ATF7IP2: variants seen among roughly 807,000 people sequenced by gnomAD.
ATF7IP2 encodes activating transcription factor 7 interacting protein 2, also known as activating transcription factor 7-interacting protein 2.
Under a neutral mutation model 64.2 loss-of-function variants are expected in ATF7IP2, and 42 were observed. That is an observed-to-expected ratio of 0.65 (90% CI 0.51 to 0.85). The LOEUF is 0.85. ATF7IP2 is among the 40% of genes least tolerant of loss of function. The pLI, the probability that ATF7IP2 is intolerant of heterozygous loss-of-function variation, is 0.00. For synonymous variants in ATF7IP2, 308 were observed against 272.8 expected, an observed-to-expected ratio of 1.13 and a Z score of -1.27; for missense variants, 933 against 784.2, an observed-to-expected ratio of 1.19 and a Z score of -2.27.
At chr16:10,426,686 A>G (rs1035797748) in intron 3 of ATF7IP2, among the ~76,000 whole-genome samples, 1 of 152,146 alleles carries the variant, frequency 6.6e-6, no homozygotes, top group Non-Finnish European at 1.5e-5. Flanking sequence ...TTCACACAAC[A>G]TGGAGTAGAG....
At chr16:10,455,392 G>A (rs571059440) in intron 8 of ATF7IP2, among the ~76,000 whole-genome samples, 1 of 152,180 alleles carries the variant, frequency 6.6e-6, no homozygotes, top group Non-Finnish European at 1.5e-5. Context: ...CAGAAACGCA[G>A]GCAGCCTCCA....
At chr16:10,476,725 T>C (rs938204717) in intron 12 of ATF7IP2, among the ~76,000 whole-genome samples, 3 of 152,188 alleles carry the variant, frequency 2.0e-5, no homozygotes, top group African/African-American at 7.2e-5. Flanking sequence ...TCTCATTGTT[T>C]AGCTCCCACT....
intron 9 of ATF7IP2, among the ~76,000 whole-genome samples, chr16:10,468,100 G>A (rs1045932050): frequency 2.1e-5 from 3 of 145,330 alleles, no homozygotes; most frequent in Admixed American, 6.8e-5. Flanking sequence ...GGCTGGTCTC[G>A]AACTCCCGAC....
chr16:10,439,724 G>C (rs1472742256), intron 7 of ATF7IP2, among the ~76,000 whole-genome samples: 1 of 147,652 alleles, frequency 6.8e-6, no homozygotes, highest in Non-Finnish European at 1.5e-5. Flanking sequence ...AGTAGAGATG[G>C]GGTTTCTCCA....
chr16:10,462,578 G>C (rs957373287), intron 9 of ATF7IP2, among the ~76,000 whole-genome samples: 8 of 151,834 alleles, frequency 5.3e-5, no homozygotes, highest in Admixed American at 3.3e-4. Flanking sequence ...TTTTATTTTT[G>C]CTTTTTCAAA....
At chr16:10,422,555 A>G (rs1378873154) in intron 3 of ATF7IP2, among the ~76,000 whole-genome samples, 4 of 152,314 alleles carry the variant, frequency 2.6e-5, no homozygotes, top group Middle Eastern at 3.4e-3. Context: ...AACTATTTTG[A>G]TATACTTCAG....
At chr16:10,402,712 C>G (rs1304555152) in intron 1 of ATF7IP2, among the ~76,000 whole-genome samples, 2 of 152,214 alleles carry the variant, frequency 1.3e-5, no homozygotes, top group Admixed American at 1.3e-4. Context: ...GATCCTCCCA[C>G]CTCAGCCTCC....
chr16:10,477,381 G>T (rs2050049311), intron 12 of ATF7IP2, among the ~76,000 whole-genome samples: 1 of 152,168 alleles, frequency 6.6e-6, no homozygotes, highest in African/African-American at 2.4e-5. Context: ...AAAACCACAT[G>T]ATTATCTCAA....
chr16:10,428,582 G>C (rs1322609477), intron 3 of ATF7IP2, among the ~76,000 whole-genome samples: 6 of 152,304 alleles, frequency 3.9e-5, no homozygotes, highest in African/African-American at 1.4e-4. Context: ...GTGATTCAGA[G>C]TCATTTCTGG....
chr16:10,434,137 G>T (rs996078773), intron 6 of ATF7IP2, among the ~76,000 whole-genome samples: 2 of 152,110 alleles, frequency 1.3e-5, no homozygotes, highest in African/African-American at 2.4e-5. Context: ...AAACTTAAAC[G>T]GATATGGTAC....
chr16:10,425,425 T>TA (rs199525589), intron 3 of ATF7IP2, among the ~76,000 whole-genome samples: 1,944 of 146,508 alleles, frequency 0.013, 12 homozygotes, highest in Non-Finnish European at 0.018. Flanking sequence ...ATTCAGATCT[T>TA]AAAAAAAAAA....
intron 9 of ATF7IP2, among the ~76,000 whole-genome samples, chr16:10,467,676 C>G (rs2049628946): frequency 6.6e-6 from 1 of 151,398 alleles, no homozygotes. Flanking sequence ...AAGCGATTCT[C>G]CTGCCTCAGC....
intron 1 of ATF7IP2, among the ~76,000 whole-genome samples, chr16:10,389,097 C>A (rs921823111): frequency 6.6e-6 from 1 of 151,636 alleles, no homozygotes; most frequent in Non-Finnish European, 1.5e-5. Context: ...GATCTTTAAG[C>A]TTGATCTTGA....
At chr16:10,409,114 CG>C (rs897582693) in intron 1 of ATF7IP2, among the ~76,000 whole-genome samples, 4 of 151,982 alleles carry the variant, frequency 2.6e-5, no homozygotes, top group African/African-American at 9.7e-5. Flanking sequence ...CTCCCATGGG[CG>C]GGGGGTAGGC....
chr16:10,415,867 G>C (rs149536019), intron 2 of ATF7IP2, among the ~76,000 whole-genome samples: 42 of 152,312 alleles, frequency 2.8e-4, no homozygotes, highest in African/African-American at 9.6e-4. Context: ...TAATGTCATT[G>C]ATCATCAACA....
intron 11 of ATF7IP2, 65 bp from the exon 12 acceptor site, chr16:10,473,858 A>C: frequency 2.8e-6 from 3 of 1,078,472 alleles, no homozygotes; most frequent in Non-Finnish European, 4.0e-6. Flanking sequence ...AAATGGTTTT[A>C]AATTTTTAAA....
intron 6 of ATF7IP2, among the ~76,000 whole-genome samples, chr16:10,436,433 C>G (rs998051555): frequency 1.3e-5 from 2 of 151,638 alleles, no homozygotes; most frequent in African/African-American, 2.4e-5. Context: ...TTCATTTGCT[C>G]ACATGTTTAA....
rs377023707 is a variant in ATF7IP2, at chr16:10,430,731, G to T, written c.111G>T (p.Ala37=). ...TGAATAAGTCAAGGAATGTTGAAGCGCTGAAAACAGCAATTGGGAGTAATG... is the reference window on the plus strand; with the variant it reads ...TGAATAAGTCAAGGAATGTTGAAGCTCTGAAAACAGCAATTGGGAGTAATG... ...EMLNKSRNVE[A]LKTAIGSNVP... is the part of the protein sequence containing the mutation. The change falls in exon 5 of 14, where the codon GCG becomes GCT. Residue 37 remains alanine (A), a synonymous_variant. Transcript: ENST00000562102. The T allele has an allele frequency of 3.6e-5, 58 of 1,613,942 alleles. No individual in the cohort carries two copies. Among genetic ancestry groups the T allele is most frequent in the Non-Finnish European group, 4.8e-5 (57 of 1,179,996 alleles).
chr16:10,414,627 T>TTGTGTGTG lies in ATF7IP2; in HGVS notation c.-203+43_-203+50dup, dbSNP rs140459444. 1.9e-4 allele frequency: 18 copies of TTGTGTGTG among 94,824 alleles called. No homozygotes were observed. Among genetic ancestry groups the TTGTGTGTG allele is most frequent in the Admixed American group, 3.5e-4 (3 of 8,646 alleles). The allele number at this position is 94,824 out of a possible 1,614,324, so 5.9% of individuals were successfully genotyped here. ...ATCCACTGCTGGTGAGCTAGTGTGATTGTGTGTGTGTGTGTGTGTGTGTGT... is the reference window on the plus strand; with the variant it reads ...ATCCACTGCTGGTGAGCTAGTGTGATTGTGTGTGTGTGTGTGTGTGTGTGTGTGTGTGT... On this transcript the variant is annotated intron_variant, in intron 2 of 13. Transcript: ENST00000562102.
Sources: allele counts gnomAD v4.1 joint callset (sites outside exome capture counted in the v4.1 genomes callset), GRCh38; gene constraint gnomAD v4.1.1; transcripts MANE v1.5; gene names NCBI Gene and HGNC (gene_info 2026-07-23, HGNC 2026-07-21).